The following NBAS variants were observed in gnomAD, a reference collection of about 807,000 sequenced individuals.
NBAS encodes the protein NAG/BC035112 fusion.
NBAS carries 219 observed loss-of-function variants against 302.5 expected under a neutral mutation model. The ratio of observed to expected loss-of-function variants is 0.72; its 90% CI spans 0.65 to 0.81. NBAS has a LOEUF of 0.81. NBAS is among the 30% of genes least tolerant of loss of function. The pLI, the probability that NBAS is intolerant of heterozygous loss-of-function variation, is 0.00. For missense variants in NBAS, 2,932 were observed against 2,841.6 expected (o/e 1.03, Z -0.72); for synonymous variants, 1,118 against 1,021.6 (o/e 1.09, Z -1.80).
intron 48 of NBAS, among the ~76,000 whole-genome samples, chr2:15,201,007 A>G (rs1358539618): frequency 2.6e-5 from 4 of 152,224 alleles, no homozygotes; most frequent in Admixed American, 6.5e-5. Context: ...AAGATTTACA[A>G]ATATGAAGAG....
At chr2:14,928,093 T>C in the NBAS span, among the ~76,000 whole-genome samples, 1 of 152,352 alleles carries the variant, frequency 6.6e-6, no homozygotes, top group East Asian at 1.9e-4. Context: ...TACTTGTTAG[T>C]TTTGTAAGTG....
chr2:15,282,982 C>A (rs767533925), intron 42 of NBAS, among the ~76,000 whole-genome samples: 2 of 152,140 alleles, frequency 1.3e-5, no homozygotes, highest in Non-Finnish European at 2.9e-5. Flanking sequence ...ACTTCGTGTG[C>A]ATTTCCTTTA....
chr2:15,415,001 A>G (rs369412684), intron 25 of NBAS, among the ~76,000 whole-genome samples: 2 of 152,200 alleles, frequency 1.3e-5, no homozygotes, highest in East Asian at 3.9e-4. Context: ...AAGAATTTGC[A>G]TAAATACTGT....
At chr2:14,797,239 G>A in the NBAS span, among the ~76,000 whole-genome samples, 4 of 152,190 alleles carry the variant, frequency 2.6e-5, no homozygotes, top group Non-Finnish European at 4.4e-5. Flanking sequence ...CCGTCACTCA[G>A]TAAAACTCTT....
At chr2:15,295,664 A>C (rs965910683) in intron 40 of NBAS, among the ~76,000 whole-genome samples, 2 of 152,196 alleles carry the variant, frequency 1.3e-5, no homozygotes, top group Non-Finnish European at 2.9e-5. Flanking sequence ...TTCATTTTGC[A>C]TTGCCTTCTC....
In NBAS at chr2:15,470,802, A is replaced by C. The variant is rs144234029; in HGVS notation, c.1726-2269T>G. Among the ~76,000 whole-genome samples the C allele has an allele frequency of 9.2e-3, 1,398 of 152,284 alleles. 14 individuals carry two copies. The highest frequency in any genetic ancestry group is 0.032 in the African/African-American group (1,323 of 41,552). Reference sequence around the variant, plus strand: ...TGGTGAACCCCCGTCTCTACTAAAAATACAAAAATTAGCCAGGTGTGGTGT... The same window carrying C: ...TGGTGAACCCCCGTCTCTACTAAAACTACAAAAATTAGCCAGGTGTGGTGT... On this transcript the variant is annotated intron_variant, in intron 16 of 51. Transcript: ENST00000281513.
intron 9 of NBAS, among the ~76,000 whole-genome samples, chr2:15,521,143 G>C (rs1220255827): frequency 1.3e-5 from 2 of 152,152 alleles, no homozygotes; most frequent in African/African-American, 4.8e-5. Flanking sequence ...AGTATTCCCT[G>C]CCCTTGTGGA....
intron 21 of NBAS, among the ~76,000 whole-genome samples, chr2:15,436,955 AT>A (rs1213645072): frequency 4.7e-4 from 71 of 152,348 alleles, no homozygotes; most frequent in African/African-American, 1.6e-3. Context: ...ATGATTATGT[AT>A]AAATAAATGA....
chr2:15,291,646 CAG>C (rs1670307683), intron 41 of NBAS, among the ~76,000 whole-genome samples: 2 of 152,158 alleles, frequency 1.3e-5, no homozygotes, highest in South Asian at 4.1e-4. Flanking sequence ...CTTCCCTTGA[CAG>C]GGGGAAGGGA....
intron 19 of NBAS, among the ~76,000 whole-genome samples, chr2:15,464,219 T>C (rs1011157950): frequency 2.0e-5 from 3 of 152,226 alleles, no homozygotes; most frequent in African/African-American, 7.2e-5. Flanking sequence ...CCTAAGAAGT[T>C]TTATTTCCTA....
chr2:15,229,402 G>A (rs1667286510), intron 47 of NBAS, among the ~76,000 whole-genome samples: 1 of 144,218 alleles, frequency 6.9e-6, no homozygotes, highest in Non-Finnish European at 1.5e-5. Context: ...ACCTAAACGT[G>A]TACAATTATT....
chr2:14,948,000 G>A, the NBAS span, among the ~76,000 whole-genome samples: 5 of 152,020 alleles, frequency 3.3e-5, no homozygotes, highest in African/African-American at 1.2e-4. Context: ...TCTTTTCAAT[G>A]TATTGTTGAA....
chr2:14,961,358 A>C, the NBAS span, among the ~76,000 whole-genome samples: 1 of 152,278 alleles, frequency 6.6e-6, no homozygotes, highest in East Asian at 1.9e-4. Context: ...CAGATCCTTC[A>C]TGAATGGCTT....
the NBAS span, among the ~76,000 whole-genome samples, chr2:15,097,926 A>C: frequency 2.7e-5 from 1 of 37,040 alleles, no homozygotes; most frequent in Non-Finnish European, 5.6e-5. Context: ...TATATATTAT[A>C]TATATTACAT....
At chr2:14,844,279 C>A in the NBAS span, among the ~76,000 whole-genome samples, 1 of 152,096 alleles carries the variant, frequency 6.6e-6, no homozygotes, top group Non-Finnish European at 1.5e-5. Flanking sequence ...AGCTCCCAGA[C>A]AAAATTTCTA....
chr2:14,784,361 C>T, the NBAS span, among the ~76,000 whole-genome samples: 1 of 152,160 alleles, frequency 6.6e-6, no homozygotes, highest in African/African-American at 2.4e-5. Context: ...GTTGCCACTG[C>T]TTTTGGTGTT....
At chr2:15,206,983 A>G (rs1350287490) in intron 48 of NBAS, among the ~76,000 whole-genome samples, 2 of 152,088 alleles carry the variant, frequency 1.3e-5, no homozygotes, top group Non-Finnish European at 2.9e-5. Flanking sequence ...CCTCTAGTGG[A>G]GCTTTGAGAA....
intron 32 of NBAS, among the ~76,000 whole-genome samples, chr2:15,365,875 C>G (rs942407740): frequency 5.3e-5 from 8 of 151,258 alleles, no homozygotes; most frequent in Non-Finnish European, 1.0e-4. Context: ...TAAGACAAAA[C>G]TACAAAAAAA....
chr2:14,847,254 G>T, the NBAS span, among the ~76,000 whole-genome samples: 10 of 151,662 alleles, frequency 6.6e-5, no homozygotes, highest in East Asian at 5.8e-4. Flanking sequence ...GTGGTGGCAG[G>T]CACCTGTAGT....
Sources: allele counts gnomAD v4.1 joint callset (sites outside exome capture counted in the v4.1 genomes callset), GRCh38; gene constraint gnomAD v4.1.1; transcripts MANE v1.5; gene names NCBI Gene and HGNC (gene_info 2026-07-23, HGNC 2026-07-21).